The following OR3A2 variants were observed in gnomAD, a reference collection of about 807,000 sequenced individuals.
The protein encoded by OR3A2 is olfactory receptor family 3 subfamily A member 2.
For synonymous variants in OR3A2, 126 were observed against 159.3 expected, an observed-to-expected ratio of 0.79 and a Z score of 1.57; for missense variants, 318 against 392.8, an observed-to-expected ratio of 0.81 and a Z score of 1.61.
At chr17:3,303,764 T>G (rs1230949875) in intron 3 of OR3A2, among the ~76,000 whole-genome samples, 2 of 100,730 alleles carry the variant, frequency 2.0e-5, no homozygotes, top group African/African-American at 3.3e-5. Flanking sequence ...ATTAGCCAGG[T>G]GCCTGTAATC....
intron 2 of OR3A2, among the ~76,000 whole-genome samples, chr17:3,382,834 C>T (rs978155038): frequency 1.3e-5 from 2 of 152,208 alleles, no homozygotes; most frequent in Non-Finnish European, 1.5e-5. Context: ...GAAACCACTC[C>T]CACTTTGTTC....
intron 3 of OR3A2, among the ~76,000 whole-genome samples, chr17:3,307,544 T>A (rs2049008103): frequency 6.6e-6 from 1 of 152,216 alleles, no homozygotes; most frequent in African/African-American, 2.4e-5. Flanking sequence ...GAAGCCACCA[T>A]TAGATGTTAG....
chr17:3,285,715 G>C (rs2048804612), upstream of OR3A2, among the ~76,000 whole-genome samples: 2 of 152,196 alleles, frequency 1.3e-5, no homozygotes, highest in South Asian at 4.1e-4. Context: ...TTGAGCCCAG[G>C]AGGTGGAGGC....
At chr17:3,301,674 T>C (rs1434963800) in intron 3 of OR3A2, among the ~76,000 whole-genome samples, 1 of 152,230 alleles carries the variant, frequency 6.6e-6, no homozygotes, top group African/African-American at 2.4e-5. Context: ...TTTCTTTTGC[T>C]GTGCAGAAGC....
At chr17:3,349,173 A>T (rs1370660399) in intron 2 of OR3A2, among the ~76,000 whole-genome samples, 6 of 152,106 alleles carry the variant, frequency 3.9e-5, no homozygotes, top group Non-Finnish European at 8.8e-5. Context: ...TCAAATTCAC[A>T]CATAACAATA....
rs145432490 is a variant in OR3A2, at chr17:3,322,844, T to C, written c.-85+13189A>G. 3.8e-3 allele frequency among the ~76,000 whole-genome samples: 580 copies of C among 152,306 alleles called. 5 individuals carry two copies. Among genetic ancestry groups the C allele is most frequent in the African/African-American group, 0.013 (551 of 41,558 alleles). ...GGTGTGTTTCTGAAAAGACTGTATA[T>C]TCTGTTGATTTGGGGTGGAGAGTTC... On this transcript the variant is annotated intron_variant, in intron 3 of 4. Coordinates refer to the OR3A2 transcript ENST00000573491.
At chr17:3,318,382 T>A (rs559482509) in intron 3 of OR3A2, among the ~76,000 whole-genome samples, 40 of 152,316 alleles carry the variant, frequency 2.6e-4, no homozygotes, top group Non-Finnish European at 5.0e-4. Context: ...GTTCAGTACT[T>A]TTGTTAGCAA....
intron 3 of OR3A2, among the ~76,000 whole-genome samples, chr17:3,303,508 G>A (rs2048979742): frequency 6.6e-6 from 1 of 152,040 alleles, no homozygotes; most frequent in African/African-American, 2.4e-5. Context: ...TTGGGAGGCT[G>A]AGGTAGACAG....
intron 2 of OR3A2, among the ~76,000 whole-genome samples, chr17:3,341,977 T>C (rs964508492): frequency 6.6e-6 from 1 of 152,228 alleles, no homozygotes; most frequent in African/African-American, 2.4e-5. Flanking sequence ...TTACTCTTTT[T>C]TCTCTAAACT....
exon 2 of OR3A2, chr17:3,277,969 C>T (rs758948532): frequency 1.3e-6 from 2 of 1,592,806 alleles, no homozygotes; most frequent in Non-Finnish European, 1.7e-6. Flanking sequence ...CCCATTACCT[C>T]TCAGGTCAGT....
chr17:3,307,263 A>G (rs946302820), intron 3 of OR3A2, among the ~76,000 whole-genome samples: 29 of 152,366 alleles, frequency 1.9e-4, no homozygotes, highest in African/African-American at 6.5e-4. Flanking sequence ...TGTGTCAGAA[A>G]AGGAGACGAC....
intron 3 of OR3A2, among the ~76,000 whole-genome samples, chr17:3,321,822 G>T (rs986624657): frequency 6.6e-6 from 1 of 152,154 alleles, no homozygotes; most frequent in Non-Finnish European, 1.5e-5. Context: ...GTTCATCAAG[G>T]ATATTGGTCT....
intron 2 of OR3A2, among the ~76,000 whole-genome samples, chr17:3,345,434 G>GAGAT (rs1555528774): frequency 1.1e-5 from 1 of 90,844 alleles, no homozygotes; most frequent in African/African-American, 4.9e-5. Context: ...GAGAGAGAGA[G>GAGAT]AGAGATAGAG....
At chr17:3,377,992 C>A (rs1567573304) in intron 2 of OR3A2, among the ~76,000 whole-genome samples, 1 of 152,028 alleles carries the variant, frequency 6.6e-6, no homozygotes. Context: ...GAAAACATAA[C>A]AAGGAGAAAT....
At chr17:3,298,093 T>C (rs985858826) in intron 3 of OR3A2, among the ~76,000 whole-genome samples, 7 of 152,138 alleles carry the variant, frequency 4.6e-5, no homozygotes, top group Admixed American at 1.3e-4. Flanking sequence ...GTCTTTTTGA[T>C]AGAACATCTC....
intron 2 of OR3A2, among the ~76,000 whole-genome samples, chr17:3,378,974 G>C (rs548265329): frequency 6.6e-6 from 1 of 152,326 alleles, no homozygotes; most frequent in African/African-American, 2.4e-5. Flanking sequence ...TTACCAGGGA[G>C]AAAGCTGAGA....
intron 2 of OR3A2, among the ~76,000 whole-genome samples, chr17:3,347,498 G>T (rs1479721723): frequency 6.6e-6 from 1 of 152,006 alleles, no homozygotes; most frequent in Non-Finnish European, 1.5e-5. Flanking sequence ...TGCGGTGTTT[G>T]GTTTTTTGTT....
At chr17:3,326,748 C>A (rs1387460968) in intron 3 of OR3A2, among the ~76,000 whole-genome samples, 3 of 136,496 alleles carry the variant, frequency 2.2e-5, no homozygotes, top group Non-Finnish European at 4.6e-5. Flanking sequence ...ATTCCCCTTC[C>A]TGTGTCCATG....
At position 3,278,032 on chromosome 17, in the gene OR3A2, T is replaced by C. The variant is rs202113738; in HGVS notation, c.886A>G (p.Arg296Gly). 7.0e-4 allele frequency: 1,132 copies of C among 1,610,706 alleles called. 1 individual carries two copies. Among genetic ancestry groups the C allele is most frequent in the Non-Finnish European group, 8.4e-4 (988 of 1,177,066 alleles). Residue 296 changes from arginine to glycine, a missense_variant, in exon 2 of 2, where the codon AGA becomes GGA. Arg to Gly is a moderately radical substitution (Grantham distance 125). Transcript: ENST00000642052. ...AGAGCACCCTGAACATCAGGGTTTC[T>C]GAGGCTGTAGATAAGAGGGTTCAGC...
Sources: gnomAD v4.1 joint callset for allele counts (sites outside exome capture counted in the v4.1 genomes callset) on GRCh38, gnomAD v4.1.1 for gene constraint, MANE v1.5 for transcripts, NCBI Gene and HGNC (gene_info 2026-07-23, HGNC 2026-07-21) for gene names.